Variants in ULK4 observed in about 807,000 individuals in gnomAD.
The protein encoded by ULK4 is inactive serine/threonine-protein kinase ULK4.
ULK4 carries 133 observed loss-of-function variants against 160.6 expected under a neutral mutation model. That is an observed-to-expected ratio of 0.83 (90% CI 0.72 to 0.96). The LOEUF (loss-of-function observed/expected upper bound fraction) is 0.96, where lower values mean the gene tolerates loss of function less well. ULK4 is among the 40% of genes least tolerant of loss of function. The pLI is 0.00. For synonymous variants in ULK4, 534 were observed against 539.8 expected (o/e 0.99, Z 0.15); for missense variants, 1,580 against 1,499.5 (o/e 1.05, Z -0.89).
chr3:41,551,552 T>A (rs925322448), intron 32 of ULK4, among the ~76,000 whole-genome samples: 1 of 151,736 alleles, frequency 6.6e-6, no homozygotes, highest in Non-Finnish European at 1.5e-5. Context: ...CATATACAAC[T>A]GCCAAGATTG....
chr3:41,381,265 C>T (rs2081645137), intron 35 of ULK4, among the ~76,000 whole-genome samples: 1 of 152,198 alleles, frequency 6.6e-6, no homozygotes, highest in Non-Finnish European at 1.5e-5. Flanking sequence ...ACTTGATTCA[C>T]TCTCCTCATT....
At chr3:41,860,387 T>G (rs958772750) in intron 17 of ULK4, among the ~76,000 whole-genome samples, 6 of 152,196 alleles carry the variant, frequency 3.9e-5, no homozygotes, top group African/African-American at 1.4e-4. Context: ...ATTCCCTTTA[T>G]ATATCTAGGT....
At chr3:41,613,487 A>G (rs1460897814) in intron 31 of ULK4, among the ~76,000 whole-genome samples, 2 of 150,712 alleles carry the variant, frequency 1.3e-5, no homozygotes, top group Non-Finnish European at 2.9e-5. Flanking sequence ...TTTGGAAAGT[A>G]TATCTCAGTT....
intron 34 of ULK4, among the ~76,000 whole-genome samples, chr3:41,447,940 C>G (rs979157486): frequency 2.0e-5 from 3 of 152,162 alleles, no homozygotes; most frequent in Admixed American, 6.5e-5. Flanking sequence ...CCATCACCAC[C>G]ACCACCTCCT....
At chr3:41,464,553 C>T (rs1433711858) in intron 32 of ULK4, among the ~76,000 whole-genome samples, 2 of 152,222 alleles carry the variant, frequency 1.3e-5, no homozygotes, top group East Asian at 3.9e-4. Flanking sequence ...AGCATGTGCA[C>T]TGCACCACCA....
At chr3:41,805,108 C>A (rs955655763) in intron 19 of ULK4, among the ~76,000 whole-genome samples, 5 of 152,174 alleles carry the variant, frequency 3.3e-5, no homozygotes, top group African/African-American at 1.2e-4. Context: ...ATTCTTCCTA[C>A]CCATGAGCAT....
chr3:41,819,404 G>A lies in ULK4; in HGVS notation c.1848+19C>T. 1 of 1,608,572 alleles carries A rather than the reference G, an allele frequency of 6.2e-7. No homozygotes were observed. Among genetic ancestry groups the A allele is most frequent in the African/African-American group, 1.3e-5 (1 of 74,578 alleles). The stretch of plus-strand genomic sequence containing the variant: ...ATTACAATTGCCAGCATCTACAGAG[G>A]ACAACAAAGGAGCCTTACCCCTTCC... On this transcript the variant is annotated intron_variant, in intron 19 of 36. Transcript: ENST00000301831.
intron 21 of ULK4, among the ~76,000 whole-genome samples, chr3:41,767,990 G>A (rs1402765919): frequency 6.6e-6 from 1 of 152,178 alleles, no homozygotes; most frequent in African/African-American, 2.4e-5. Context: ...AAGGTGAGCG[G>A]TGGGCGAGCT....
chr3:41,347,980 G>T (rs1005106410), intron 35 of ULK4, among the ~76,000 whole-genome samples: 2 of 152,002 alleles, frequency 1.3e-5, no homozygotes, highest in African/African-American at 2.4e-5. Flanking sequence ...GCCTGAGGCA[G>T]GTGGATCACC....
chr3:41,824,846 T>C lies in ULK4; in HGVS notation c.1765-5340A>G, dbSNP rs552404917. Among the ~76,000 whole-genome samples, 64 of 152,292 alleles carry C rather than the reference T, an allele frequency of 4.2e-4. No homozygotes were observed. In the Middle Eastern group the frequency reaches 0.01, roughly 24 times the overall value. On this transcript the variant is annotated intron_variant, in intron 18 of 36. Transcript: ENST00000301831. The stretch of plus-strand genomic sequence containing the variant: ...TTCTCCCAGCACACAGCTGGAGATC[T>C]GAGAACGGACAGACTGCCTCCTCAA...
chr3:41,290,278 A>G (rs373568156), intron 35 of ULK4, among the ~76,000 whole-genome samples: 3 of 152,232 alleles, frequency 2.0e-5, no homozygotes, highest in Non-Finnish European at 4.4e-5. Context: ...GTTTACGGAA[A>G]GTTTGCTATA....
intron 30 of ULK4, among the ~76,000 whole-genome samples, chr3:41,653,312 T>C (rs1445518072): frequency 6.6e-6 from 1 of 152,224 alleles, no homozygotes; most frequent in Non-Finnish European, 1.5e-5. Flanking sequence ...CTGCTTACCC[T>C]GTCTTGCCTG....
intron 35 of ULK4, among the ~76,000 whole-genome samples, chr3:41,353,672 A>AAATAATAATAAT (rs142972443): frequency 7.0e-6 from 1 of 142,432 alleles, no homozygotes; most frequent in African/African-American, 2.7e-5. Flanking sequence ...TTTCTCTAAT[A>AAATAATAATAAT]AATAATAATA....
At chr3:41,576,785 T>C (rs2088204757) in intron 31 of ULK4, among the ~76,000 whole-genome samples, 1 of 152,178 alleles carries the variant, frequency 6.6e-6, no homozygotes, top group Non-Finnish European at 1.5e-5. Context: ...TCTCACATGC[T>C]AAACACTGGT....
intron 31 of ULK4, among the ~76,000 whole-genome samples, chr3:41,570,420 A>G (rs1372675863): frequency 6.6e-6 from 1 of 152,212 alleles, no homozygotes; most frequent in Non-Finnish European, 1.5e-5. Flanking sequence ...GGTGATTAAT[A>G]AGCACCAAGA....
chr3:41,654,852 C>T (rs1220907053), intron 30 of ULK4, among the ~76,000 whole-genome samples: 1 of 152,222 alleles, frequency 6.6e-6, no homozygotes. Flanking sequence ...GTATTTTATT[C>T]TGCAGAGTAA....
intron 32 of ULK4, among the ~76,000 whole-genome samples, chr3:41,479,165 G>A (rs2084233540): frequency 6.6e-6 from 1 of 152,204 alleles, no homozygotes; most frequent in Admixed American, 6.5e-5. Flanking sequence ...ATGAACTGGA[G>A]AACAACCTTT....
intron 17 of ULK4, among the ~76,000 whole-genome samples, chr3:41,836,731 G>C (rs2041768565): frequency 6.6e-6 from 1 of 152,160 alleles, no homozygotes; most frequent in Admixed American, 6.5e-5. Flanking sequence ...CAGAGCCTGA[G>C]AATGTTATAC....
intron 30 of ULK4, among the ~76,000 whole-genome samples, chr3:41,627,935 C>G (rs1355995903): frequency 6.6e-6 from 1 of 152,068 alleles, no homozygotes; most frequent in Non-Finnish European, 1.5e-5. Flanking sequence ...TGTAAAAGGT[C>G]AGTGTGACAG....
Sources: gnomAD v4.1 joint callset for allele counts (sites outside exome capture counted in the v4.1 genomes callset) on GRCh38, gnomAD v4.1.1 for gene constraint, MANE v1.5 for transcripts, NCBI Gene and HGNC (gene_info 2026-07-23, HGNC 2026-07-21) for gene names.